The following SEMA6D variants were observed in gnomAD, a reference collection of about 807,000 sequenced individuals.
SEMA6D encodes the protein semaphorin 6D, also known as semaphorin-6D.
A neutral mutation model predicts 106.6 loss-of-function variants in SEMA6D; 35 were observed. That is an observed-to-expected ratio of 0.33 (90% CI 0.25 to 0.44). The LOEUF is 0.44. Among genes scored for constraint, SEMA6D ranks in the 20% least tolerant of loss-of-function variants. SEMA6D has a pLI of 1.00. For synonymous variants in SEMA6D, 499 were observed against 487.7 expected, an observed-to-expected ratio of 1.02 and a Z score of -0.31; for missense variants, 1,185 against 1,345.9, an observed-to-expected ratio of 0.88 and a Z score of 1.87.
chr15:47,385,249 A>G (rs2039791029), intron 1 of SEMA6D, among the ~76,000 whole-genome samples: 1 of 152,138 alleles, frequency 6.6e-6, no homozygotes, highest in African/African-American at 2.4e-5. Flanking sequence ...GATAAGTGCC[A>G]TTAAGTCAAG....
chr15:47,484,884 GA>G (rs1484154201), intron 3 of SEMA6D, among the ~76,000 whole-genome samples: 2 of 152,288 alleles, frequency 1.3e-5, no homozygotes, highest in East Asian at 3.9e-4. Flanking sequence ...GATTGGAGAA[GA>G]AAATGAATGC....
chr15:47,673,779 C>A (rs2078184897), intron 4 of SEMA6D, among the ~76,000 whole-genome samples: 1 of 152,126 alleles, frequency 6.6e-6, no homozygotes, highest in Admixed American at 6.5e-5. Flanking sequence ...TGCAAACTAG[C>A]CTGATGCCTG....
intron 3 of SEMA6D, among the ~76,000 whole-genome samples, chr15:47,561,834 G>A (rs1176884351): frequency 6.6e-6 from 1 of 151,746 alleles, no homozygotes; most frequent in Non-Finnish European, 1.5e-5. Context: ...GAGAGAGGAA[G>A]ATATATTGGA....
intron 2 of SEMA6D, among the ~76,000 whole-genome samples, chr15:47,437,655 C>T (rs1595994329): frequency 6.6e-6 from 1 of 152,234 alleles, no homozygotes; most frequent in African/African-American, 2.4e-5. Flanking sequence ...CCCTTAATCA[C>T]TGTCATTTTC....
intron 3 of SEMA6D, among the ~76,000 whole-genome samples, chr15:47,497,847 C>T (rs1279232897): frequency 3.3e-5 from 5 of 152,104 alleles, no homozygotes; most frequent in Admixed American, 1.3e-4. Flanking sequence ...TCTCTTGCTT[C>T]CCTCTTTGGC....
At chr15:47,302,999 C>A (rs752961274) in intron 1 of SEMA6D, among the ~76,000 whole-genome samples, 4 of 152,154 alleles carry the variant, frequency 2.6e-5, no homozygotes, top group Non-Finnish European at 5.9e-5. Flanking sequence ...GAGGACACAC[C>A]ACTCTGCTAA....
intron 1 of SEMA6D, among the ~76,000 whole-genome samples, chr15:47,227,948 T>TTATATATATAAGAATCTTATATATATTG: frequency 7.0e-6 from 1 of 143,728 alleles, no homozygotes; most frequent in Non-Finnish European, 1.5e-5. Context: ...TATATATATT[T>TTATATATATAAGAATCTTATATATATTG]TTATATGTAA....
intron 1 of SEMA6D, among the ~76,000 whole-genome samples, chr15:47,372,762 T>C (rs541098408): frequency 6.6e-6 from 1 of 152,246 alleles, no homozygotes; most frequent in African/African-American, 2.4e-5. Context: ...CTCCAGCAAC[T>C]CCCTCCAGGA....
At chr15:47,344,886 C>A (rs1019481788) in intron 1 of SEMA6D, among the ~76,000 whole-genome samples, 1 of 152,156 alleles carries the variant, frequency 6.6e-6, no homozygotes, top group South Asian at 2.1e-4. Context: ...ATACAAAAGT[C>A]CAATTACGTT....
chr15:47,586,875 T>C (rs1454077075), intron 3 of SEMA6D, among the ~76,000 whole-genome samples: 1 of 141,844 alleles, frequency 7.1e-6, no homozygotes, highest in Non-Finnish European at 1.5e-5. Context: ...ATTTTCAAAA[T>C]GAAATTTGAC....
intron 3 of SEMA6D, among the ~76,000 whole-genome samples, chr15:47,494,776 AT>A (rs2043593432): frequency 8.2e-5 from 8 of 97,908 alleles, no homozygotes; most frequent in African/African-American, 2.8e-4. Context: ...ATATATATAT[AT>A]ATATATATAT....
chr15:47,436,073 T>A (rs2041690331), intron 2 of SEMA6D, among the ~76,000 whole-genome samples: 1 of 152,020 alleles, frequency 6.6e-6, no homozygotes, highest in African/African-American at 2.4e-5. Flanking sequence ...CTCCACCATA[T>A]TAGATATGTA....
intron 1 of SEMA6D, among the ~76,000 whole-genome samples, chr15:47,729,595 C>T (rs1028595141): frequency 6.6e-6 from 1 of 152,144 alleles, no homozygotes; most frequent in African/African-American, 2.4e-5. Flanking sequence ...GTAAGATCAC[C>T]CCACTCCATC....
intron 1 of SEMA6D, among the ~76,000 whole-genome samples, chr15:47,751,921 A>G (rs887386801): frequency 6.6e-6 from 1 of 152,214 alleles, no homozygotes; most frequent in Non-Finnish European, 1.5e-5. Context: ...GGAGGCAGAA[A>G]GGGCCACCAT....
At chr15:47,312,582 C>A (rs1258241130) in intron 1 of SEMA6D, among the ~76,000 whole-genome samples, 2 of 152,078 alleles carry the variant, frequency 1.3e-5, no homozygotes, top group Non-Finnish European at 2.9e-5. Context: ...AACCTTGCCA[C>A]AATGTTAAGG....
In SEMA6D at chr15:47,208,526, C is replaced by G. The variant is rs987828399; in HGVS notation, c.-239+24108C>G. On this transcript the variant is annotated intron_variant, in intron 1 of 19. Transcript: ENST00000558014. ...AGCAGATGGTAGTAACTAGCCACTA[C>G]CCTCATCATTACACTATACTGCTAT... 2.3e-4 allele frequency among the ~76,000 whole-genome samples: 35 copies of G among 152,096 alleles called. 1 individual carries two copies. The highest frequency in any genetic ancestry group is 8.5e-4 in the African/African-American group (35 of 41,420).
chr15:47,407,467 C>G (rs1019043417), intron 1 of SEMA6D, among the ~76,000 whole-genome samples: 1 of 149,684 alleles, frequency 6.7e-6, no homozygotes, highest in African/African-American at 2.5e-5. Flanking sequence ...TCCAAACAAC[C>G]AGAATGTGTG....
intron 3 of SEMA6D, among the ~76,000 whole-genome samples, chr15:47,480,636 C>T (rs1280697387): frequency 1.3e-5 from 2 of 152,098 alleles, no homozygotes; most frequent in African/African-American, 4.8e-5. Flanking sequence ...ACACCCTTAC[C>T]TCATCCACTC....
At chr15:47,625,003 T>G (rs2077175332) in intron 4 of SEMA6D, among the ~76,000 whole-genome samples, 1 of 152,238 alleles carries the variant, frequency 6.6e-6, no homozygotes, top group South Asian at 2.1e-4. Flanking sequence ...CATGCTGCAT[T>G]AATGAACATC....
Sources: gnomAD v4.1 joint callset for allele counts (sites outside exome capture counted in the v4.1 genomes callset) on GRCh38, gnomAD v4.1.1 for gene constraint, MANE v1.5 for transcripts, NCBI Gene and HGNC (gene_info 2026-07-23, HGNC 2026-07-21) for gene names.